AKAP6: variants seen among roughly 807,000 people sequenced by gnomAD.
AKAP6 encodes the protein A-kinase anchor protein 6.
In AKAP6, 58 loss-of-function variants were observed where a neutral mutation model predicts 188.5. The observed-to-expected ratio is 0.31, with a 90% confidence interval of 0.25 to 0.38. The LOEUF (loss-of-function observed/expected upper bound fraction) is 0.38. AKAP6 is among the 10% of genes least tolerant of loss of function. The pLI, the probability that AKAP6 is intolerant of heterozygous loss-of-function variation, is 1.00. For missense variants in AKAP6, 2,710 were observed against 2,740.0 expected (o/e 0.99, Z 0.24); for synonymous variants, 989 against 998.6 (o/e 0.99, Z 0.18).
At chr14:32,425,026 C>G (rs1409955853) in intron 1 of AKAP6, among the ~76,000 whole-genome samples, 1 of 152,064 alleles carries the variant, frequency 6.6e-6, no homozygotes, top group East Asian at 1.9e-4. Context: ...ATTGCTGGGT[C>G]AAATAGTATT....
At position 32,811,047 on chromosome 14, in the gene AKAP6, G is replaced by T. The variant is rs1434013911; in HGVS notation, c.3589-10355G>T. Among the ~76,000 whole-genome samples the T allele has an allele frequency of 2.0e-5, 3 of 151,968 alleles. No homozygotes were observed. The East Asian group carries it at 5.8e-4, about 30-fold the overall frequency. Reference sequence around the variant, plus strand: ...GAGGTCAGGAGATCGAGACCATCCTGGCTAACATGGAGAAACCCCGTCTCT... The same window carrying T: ...GAGGTCAGGAGATCGAGACCATCCTTGCTAACATGGAGAAACCCCGTCTCT... On this transcript the variant is annotated intron_variant, in intron 12 of 13. Coordinates refer to ENST00000280979, the MANE Select transcript of AKAP6 (RefSeq NM_004274.5).
At chr14:32,756,890 G>A (rs796199672) in intron 11 of AKAP6, among the ~76,000 whole-genome samples, 3 of 152,072 alleles carry the variant, frequency 2.0e-5, no homozygotes, top group African/African-American at 7.2e-5. Context: ...GAAGTTGCAC[G>A]TGCTGACCTG....
In AKAP6 at chr14:32,835,946, T is replaced by G. The variant is rs2034870713; in HGVS notation, c.*6141T>G. On this transcript the variant is annotated 3_prime_UTR_variant, in exon 14 of 14. Transcript: ENST00000280979. ...AAAATAATAGGATGACATGGGCAGG[T>G]CAGGCCCACAATAGTATGGTTTCTT... 6.6e-6 allele frequency: 1 copy of G among 152,222 alleles called. No homozygotes were observed. Among genetic ancestry groups the G allele is most frequent in the African/African-American group, 2.4e-5 (1 of 41,460 alleles). The allele number at this position is 152,222 out of a possible 1,614,324, so 9.4% of individuals were successfully genotyped here.
intron 7 of AKAP6, among the ~76,000 whole-genome samples, chr14:32,611,835 GA>G (rs1886364005): frequency 6.6e-6 from 1 of 152,150 alleles, no homozygotes; most frequent in African/African-American, 2.4e-5. Flanking sequence ...TAGTTTCAGG[GA>G]CAAGAAAGAT....
intron 13 of AKAP6, among the ~76,000 whole-genome samples, chr14:32,827,350 GTT>G: frequency 7.0e-6 from 1 of 142,496 alleles, no homozygotes; most frequent in East Asian, 2.0e-4. Flanking sequence ...CATTTGCTTG[GTT>G]TTTTTTTTTT....
intron 3 of AKAP6, among the ~76,000 whole-genome samples, chr14:32,540,200 T>G (rs1340198946): frequency 3.7e-5 from 5 of 135,792 alleles, no homozygotes; most frequent in African/African-American, 1.5e-4. Context: ...ATATTTTAAT[T>G]TTTTATTTTT....
chr14:32,683,834 C>G (rs912417535), intron 8 of AKAP6, among the ~76,000 whole-genome samples: 5 of 152,292 alleles, frequency 3.3e-5, no homozygotes, highest in African/African-American at 1.2e-4. Context: ...CTAGACAGTG[C>G]TCAGATAAGA....
chr14:32,649,690 A>G (rs1888130518), intron 7 of AKAP6, among the ~76,000 whole-genome samples: 1 of 152,216 alleles, frequency 6.6e-6, no homozygotes, highest in Non-Finnish European at 1.5e-5. Context: ...GGATGCAAAC[A>G]TGGAACAAAT....
At chr14:32,727,756 A>C (rs1397927074) in intron 9 of AKAP6, among the ~76,000 whole-genome samples, 2 of 152,208 alleles carry the variant, frequency 1.3e-5, no homozygotes, top group East Asian at 3.9e-4. Context: ...ATTTACAAGG[A>C]CAATTGTAGG....
chr14:32,615,175 A>AAAAAAAAAAAG, intron 7 of AKAP6, among the ~76,000 whole-genome samples: 1 of 147,426 alleles, frequency 6.8e-6, no homozygotes, highest in South Asian at 2.2e-4. Context: ...CTCAAAAAAA[A>AAAAAAAAAAAG]AAAAAAAAAA....
chr14:32,788,457 T>C (rs2033498904), intron 12 of AKAP6, among the ~76,000 whole-genome samples: 1 of 152,190 alleles, frequency 6.6e-6, no homozygotes, highest in Non-Finnish European at 1.5e-5. Flanking sequence ...TCAACTTATA[T>C]ATCCAGGATC....
chr14:32,558,053 T>C (rs990052219), intron 4 of AKAP6, among the ~76,000 whole-genome samples: 2 of 152,116 alleles, frequency 1.3e-5, no homozygotes, highest in Admixed American at 1.3e-4. Context: ...CAAGGAATTG[T>C]TTAGATACAA....
In AKAP6 at chr14:32,686,605, T is replaced by A. The variant is rs184846278; in HGVS notation, c.2879+8146T>A. ...CCCACAAAAATTAAAAATAAAAATT[T>A]TAAAATAAATAAAAAAAGTAGAAGA... On this transcript the variant is annotated intron_variant, in intron 8 of 13. Transcript: ENST00000280979. 2.4e-3 allele frequency among the ~76,000 whole-genome samples: 358 copies of A among 151,984 alleles called. 1 individual carries two copies. Among genetic ancestry groups the A allele is most frequent in the Non-Finnish European group, 4.0e-3 (272 of 67,994 alleles).
intron 7 of AKAP6, among the ~76,000 whole-genome samples, chr14:32,607,418 T>C (rs1157199887): frequency 6.6e-6 from 1 of 152,194 alleles, no homozygotes; most frequent in Non-Finnish European, 1.5e-5. Flanking sequence ...CACAGGTATA[T>C]GTTATCGAAA....
At chr14:32,661,970 G>C (rs1185884519) in intron 7 of AKAP6, among the ~76,000 whole-genome samples, 1 of 151,978 alleles carries the variant, frequency 6.6e-6, no homozygotes, top group Non-Finnish European at 1.5e-5. Context: ...AGTGATTCCT[G>C]ATCAAGCAGA....
chr14:32,451,785 A>G (rs1408215559), intron 2 of AKAP6, among the ~76,000 whole-genome samples: 2 of 152,054 alleles, frequency 1.3e-5, no homozygotes, highest in African/African-American at 2.4e-5. Flanking sequence ...AAAAAATGCA[A>G]TTTCTTAGTC....
intron 4 of AKAP6, among the ~76,000 whole-genome samples, chr14:32,554,711 G>T (rs4981986): frequency 0.26 from 39,974 of 152,058 alleles, 6,034 homozygotes; most frequent in African/African-American, 0.41. Flanking sequence ...GTAGCCACTT[G>T]TATAAGGTGG....
chr14:32,424,228 C>G (rs549974236), intron 1 of AKAP6, among the ~76,000 whole-genome samples: 1 of 152,194 alleles, frequency 6.6e-6, no homozygotes, highest in East Asian at 1.9e-4. Flanking sequence ...AATTCTTGCT[C>G]CCTGAAAGAT....
chr14:32,639,361 T>C (rs181779678), intron 7 of AKAP6, among the ~76,000 whole-genome samples: 35 of 152,274 alleles, frequency 2.3e-4, no homozygotes, highest in African/African-American at 7.9e-4. Context: ...GCCATCTTCA[T>C]CTATCTCAAG....
Sources: allele counts gnomAD v4.1 joint callset (sites outside exome capture counted in the v4.1 genomes callset), GRCh38; gene constraint gnomAD v4.1.1; transcripts MANE v1.5; gene names NCBI Gene and HGNC (gene_info 2026-07-23, HGNC 2026-07-21).